LARGE1: variants seen among roughly 807,000 people sequenced by gnomAD.
LARGE1 encodes the protein xylosyl- and glucuronyltransferase LARGE1.
A neutral mutation model predicts 87.6 loss-of-function variants in LARGE1; 43 were observed. The ratio of observed to expected loss-of-function variants is 0.49; its 90% CI spans 0.38 to 0.63. The LOEUF is 0.63. LARGE1 is among the 30% of genes least tolerant of loss of function. LARGE1 has a pLI of 0.00. For synonymous variants in LARGE1, 434 were observed against 394.6 expected, an observed-to-expected ratio of 1.10 and a Z score of -1.18; for missense variants, 802 against 1,000.2, an observed-to-expected ratio of 0.80 and a Z score of 2.67.
chr22:33,248,034 T>C (rs936584153), intron 11 of LARGE1, among the ~76,000 whole-genome samples: 1 of 152,182 alleles, frequency 6.6e-6, no homozygotes, highest in Non-Finnish European at 1.5e-5. Context: ...TTTGCCAAGA[T>C]TGGAACCTCA....
chr22:33,537,818 G>A (rs928789214), intron 6 of LARGE1, among the ~76,000 whole-genome samples: 3 of 152,160 alleles, frequency 2.0e-5, no homozygotes, highest in Non-Finnish European at 4.4e-5. Context: ...TGATCCACCC[G>A]CCTCGGCCTC....
intron 1 of LARGE1, among the ~76,000 whole-genome samples, chr22:33,789,470 T>C (rs2085755201): frequency 6.6e-6 from 1 of 152,206 alleles, no homozygotes; most frequent in Non-Finnish European, 1.5e-5. Flanking sequence ...ACTGGGGCAC[T>C]GCCTAGTGGA....
At chr22:33,759,999 A>G (rs992221454) in intron 2 of LARGE1, among the ~76,000 whole-genome samples, 3 of 152,208 alleles carry the variant, frequency 2.0e-5, no homozygotes, top group African/African-American at 7.2e-5. Flanking sequence ...CTAGACAGGC[A>G]CACAGTTTCA....
At chr22:33,277,024 G>C (rs41302579) in intron 14 of LARGE1, 36 bp downstream of exon 14, 1 of 1,600,210 alleles carries the variant, frequency 6.2e-7, no homozygotes, top group Non-Finnish European at 8.6e-7. Flanking sequence ...CCTCTCCCCC[G>C]TCGACCATAC....
intron 2 of LARGE1, among the ~76,000 whole-genome samples, chr22:33,653,796 T>A (rs1271315161): frequency 6.6e-6 from 1 of 152,060 alleles, no homozygotes; most frequent in Non-Finnish European, 1.5e-5. Context: ...TTCTGTGTGT[T>A]GTATGGGGGA....
intron 11 of LARGE1, among the ~76,000 whole-genome samples, chr22:33,184,585 A>G (rs1316694752): frequency 6.6e-6 from 1 of 151,804 alleles, no homozygotes; most frequent in African/African-American, 2.4e-5. Context: ...GCAAATTAGG[A>G]AGTCTACCAG....
intron 1 of LARGE1, among the ~76,000 whole-genome samples, chr22:33,827,956 T>C (rs1197950021): frequency 6.6e-6 from 1 of 152,080 alleles, no homozygotes; most frequent in Non-Finnish European, 1.5e-5. Context: ...AAAGCCATTG[T>C]CCTATGGAAG....
chr22:33,896,677 C>T (rs1456823145), intron 1 of LARGE1, among the ~76,000 whole-genome samples: 1 of 152,248 alleles, frequency 6.6e-6, no homozygotes, highest in African/African-American at 2.4e-5. Context: ...AGCACTCCAT[C>T]TACTGAGGCC....
At chr22:33,596,571 A>G (rs1315991788) in intron 5 of LARGE1, among the ~76,000 whole-genome samples, 1 of 152,222 alleles carries the variant, frequency 6.6e-6, no homozygotes, top group Non-Finnish European at 1.5e-5. Flanking sequence ...ACACAGGACC[A>G]CAAAGGAAAG....
At chr22:33,221,160 G>A (rs5994701) in intron 11 of LARGE1, among the ~76,000 whole-genome samples, 4,029 of 131,580 alleles carry the variant, frequency 0.031, 178 homozygotes, top group African/African-American at 0.13. Context: ...ATACCTTGCC[G>A]TTGTTAAAAA....
intron 1 of LARGE1, among the ~76,000 whole-genome samples, chr22:33,810,561 C>A (rs1233033106): frequency 6.6e-6 from 1 of 152,180 alleles, no homozygotes; most frequent in Admixed American, 6.5e-5. Flanking sequence ...ATGCAACTCA[C>A]TGCAAGCTTT....
At chr22:33,396,693 G>A (rs1221884112) in intron 7 of LARGE1, among the ~76,000 whole-genome samples, 2 of 152,114 alleles carry the variant, frequency 1.3e-5, no homozygotes, top group Non-Finnish European at 2.9e-5. Flanking sequence ...GCTTGGAGGT[G>A]TTATGGGCAA....
chr22:33,833,487 A>C (rs954122894), intron 1 of LARGE1, among the ~76,000 whole-genome samples: 1 of 152,182 alleles, frequency 6.6e-6, no homozygotes, highest in Admixed American at 6.5e-5. Flanking sequence ...GCCTTCCACA[A>C]GCCAAGGAGA....
At position 33,650,507 on chromosome 22, in the gene LARGE1, CT is replaced by C; in HGVS notation, c.267del (p.Ala90ProfsTer133). 6.2e-7 allele frequency: 1 copy of C among 1,613,270 alleles called. No homozygotes were observed. Among genetic ancestry groups the C allele is most frequent in the East Asian group, 2.2e-5 (1 of 44,876 alleles). ...TGGTTGCCTCGGCGATGGGATGGGG[CT>C]CGGCCCTGGGCCAGGCTGAGCTGCC... ...LRRQLSLAQGRAPSHRRGNHS... is the reference protein window; with the variant it reads ...LRRQLSLAQGXAPSHRRGNHS... On this transcript the variant is annotated frameshift_variant, in exon 3 of 15. Coordinates refer to ENST00000397394, the MANE Select transcript of LARGE1 (RefSeq NM_133642.5). LOFTEE classifies it high-confidence loss of function.
intron 6 of LARGE1, among the ~76,000 whole-genome samples, chr22:33,486,287 A>G (rs2069569091): frequency 6.6e-6 from 1 of 152,204 alleles, no homozygotes; most frequent in Admixed American, 6.5e-5. Context: ...CTCTACAGAG[A>G]AGACAGCATG....
At position 33,761,639 on chromosome 22, in the gene LARGE1, G is replaced by C; in HGVS notation, c.-82-81C>G. ...AGTTATGGAAGAGAAATATCTCATA[G>C]ATCCTGAAAGGGGTTCAACTGATCT... On this transcript the variant is annotated intron_variant, in intron 1 of 14. Coordinates refer to ENST00000397394, the MANE Select transcript of LARGE1 (RefSeq NM_133642.5). 3 of 684,106 alleles carry C rather than the reference G, an allele frequency of 4.4e-6. No individual in the cohort carries two copies. The East Asian group carries it at 8.2e-5, about 19-fold the overall frequency. 42.4% of individuals were successfully genotyped at this position (684,106 alleles called of 1,614,324 possible). A position where few individuals can be genotyped will look rare whatever the true frequency, so the allele number is the denominator to read the frequency against.
At chr22:33,605,856 A>C (rs765635168) in intron 4 of LARGE1, among the ~76,000 whole-genome samples, 14 of 152,178 alleles carry the variant, frequency 9.2e-5, no homozygotes, top group Non-Finnish European at 8.8e-5. Flanking sequence ...AAAAGAACAC[A>C]AAGTTCCACG....
intron 9 of LARGE1, among the ~76,000 whole-genome samples, chr22:33,363,146 G>C (rs1380320155): frequency 6.7e-6 from 1 of 150,042 alleles, no homozygotes; most frequent in African/African-American, 2.5e-5. Flanking sequence ...TGAGCTGAGG[G>C]AGACCAGGAG....
intron 12 of LARGE1, among the ~76,000 whole-genome samples, chr22:33,288,109 C>T (rs1931878112): frequency 6.6e-6 from 1 of 152,196 alleles, no homozygotes; most frequent in African/African-American, 2.4e-5. Flanking sequence ...ATGGCCCAGG[C>T]TATGGCGCCC....
Sources: allele counts gnomAD v4.1 joint callset (sites outside exome capture counted in the v4.1 genomes callset), GRCh38; gene constraint gnomAD v4.1.1; transcripts MANE v1.5; gene names NCBI Gene and HGNC (gene_info 2026-07-23, HGNC 2026-07-21).